Variants in RPTOR observed in about 807,000 individuals in gnomAD.
The protein encoded by RPTOR is regulatory-associated protein of mTOR.
Under a neutral mutation model 169.9 loss-of-function variants are expected in RPTOR, and 21 were observed. That is an observed-to-expected ratio of 0.12 (90% CI 0.09 to 0.18). The LOEUF (loss-of-function observed/expected upper bound fraction) is 0.18, where lower values mean the gene tolerates loss of function less well. Among genes scored for constraint, RPTOR ranks in the 10% least tolerant of loss-of-function variants. The pLI is 1.00. For synonymous variants in RPTOR, 732 were observed against 753.2 expected, an observed-to-expected ratio of 0.97 and a Z score of 0.46; for missense variants, 1,133 against 1,855.9, an observed-to-expected ratio of 0.61 and a Z score of 7.16.
intron 2 of RPTOR, among the ~76,000 whole-genome samples, chr17:80,634,874 TGTGTG>T (rs2065493447): frequency 1.3e-5 from 1 of 75,714 alleles, no homozygotes. Flanking sequence ...GTGTGCATAC[TGTGTG>T]CATACTTTGT....
chr17:80,855,968 C>A (rs2067847985), intron 12 of RPTOR, among the ~76,000 whole-genome samples: 2 of 152,200 alleles, frequency 1.3e-5, no homozygotes, highest in Admixed American at 1.3e-4. Context: ...ATGGCAGGCA[C>A]AATTCGGAAA....
intron 6 of RPTOR, among the ~76,000 whole-genome samples, chr17:80,790,929 C>T (rs538865980): frequency 1.3e-5 from 2 of 152,308 alleles, no homozygotes; most frequent in East Asian, 1.9e-4. Flanking sequence ...AAAGCCTGTC[C>T]GGCTCCACAC....
At chr17:80,731,107 G>A (rs1419006890) in intron 5 of RPTOR, among the ~76,000 whole-genome samples, 2 of 152,112 alleles carry the variant, frequency 1.3e-5, no homozygotes, top group African/African-American at 2.4e-5. Context: ...TCAAACTCCT[G>A]GGCTCAAGCA....
chr17:80,665,328 T>TTTCCCTTTCC (rs1437436251), intron 3 of RPTOR, among the ~76,000 whole-genome samples: 2 of 114,842 alleles, frequency 1.7e-5, no homozygotes, highest in African/African-American at 3.7e-5. Context: ...TTTCTTTTCT[T>TTTCCCTTTCC]TTCCCTTTCC....
intron 1 of RPTOR, among the ~76,000 whole-genome samples, chr17:80,618,070 T>G (rs914097837): frequency 1.5e-4 from 22 of 149,304 alleles, no homozygotes; most frequent in African/African-American, 5.0e-4. Flanking sequence ...AACCTCCGCC[T>G]CCCGGGTTCA....
chr17:80,792,132 CTGTT>C (rs1297642964), intron 7 of RPTOR, among the ~76,000 whole-genome samples: 1 of 152,116 alleles, frequency 6.6e-6, no homozygotes, highest in African/African-American at 2.4e-5. Flanking sequence ...CTGCCTTGTT[CTGTT>C]TGTTTGTGCA....
chr17:80,667,718 A>G (rs140185666), intron 3 of RPTOR, among the ~76,000 whole-genome samples: 4 of 152,278 alleles, frequency 2.6e-5, no homozygotes, highest in African/African-American at 7.2e-5. Flanking sequence ...CATGGGACAA[A>G]TATGGAGGCT....
intron 13 of RPTOR, among the ~76,000 whole-genome samples, chr17:80,874,477 C>G (rs930165598): frequency 7.0e-4 from 106 of 152,100 alleles, no homozygotes; most frequent in African/African-American, 2.4e-3. Flanking sequence ...TTAGAATTAA[C>G]CATTTACAGA....
In RPTOR at chr17:80,893,769, C is replaced by T; in HGVS notation, c.2305C>T (p.Leu769=). The T allele has an allele frequency of 6.2e-7, 1 of 1,601,814 alleles. No individual in the cohort carries two copies. Among genetic ancestry groups the T allele is most frequent in the African/African-American group, 1.4e-5 (1 of 74,000 alleles). ...LSTSSSASST[L]GSPENEEHIL... is the part of the protein sequence containing the mutation. ...CACCAGCAGCAGCGCCAGCAGCACC[C>T]TGGGCAGCCCCGAGAATGAGGAGCA... Residue 769 remains leucine, a synonymous_variant, in exon 20 of 34, where the codon CTG becomes TTG. Transcript: ENST00000306801.
intron 24 of RPTOR, among the ~76,000 whole-genome samples, chr17:80,926,873 G>A (rs1034374575): frequency 2.0e-5 from 3 of 152,212 alleles, no homozygotes; most frequent in African/African-American, 2.4e-5. Flanking sequence ...CACTAAGCAC[G>A]AAGCACCTTT....
chr17:80,678,996 C>T (rs1334498289), intron 3 of RPTOR, among the ~76,000 whole-genome samples: 2 of 152,240 alleles, frequency 1.3e-5, no homozygotes, highest in African/African-American at 2.4e-5. Context: ...GCATTTCTCT[C>T]GCTCTTCACA....
intron 28 of RPTOR, among the ~76,000 whole-genome samples, chr17:80,951,030 C>A (rs73357887): frequency 6.6e-6 from 1 of 152,132 alleles, no homozygotes; most frequent in East Asian, 1.9e-4. Flanking sequence ...AGGACACACC[C>A]GTGGCTAGCC....
chr17:80,697,785 G>A (rs1021501815), intron 3 of RPTOR, among the ~76,000 whole-genome samples: 10 of 152,216 alleles, frequency 6.6e-5, no homozygotes, highest in African/African-American at 1.9e-4. Context: ...CTCAGGGGCC[G>A]GTGGCCTGAC....
At chr17:80,839,817 T>C (rs2067607449) in intron 10 of RPTOR, among the ~76,000 whole-genome samples, 1 of 152,262 alleles carries the variant, frequency 6.6e-6, no homozygotes, top group South Asian at 2.1e-4. Flanking sequence ...AGTTTCTATT[T>C]GCATGTGTGC....
chr17:80,747,811 C>A (rs778103931), intron 5 of RPTOR, among the ~76,000 whole-genome samples: 9 of 152,348 alleles, frequency 5.9e-5, no homozygotes, highest in Non-Finnish European at 1.0e-4. Context: ...ACTCGCCCCA[C>A]CACCCCATGC....
At chr17:80,864,332 G>T (rs1490651233) in intron 13 of RPTOR, among the ~76,000 whole-genome samples, 5 of 148,862 alleles carry the variant, frequency 3.4e-5, no homozygotes, top group African/African-American at 1.3e-4. Flanking sequence ...GTGACGGCAG[G>T]TTTCTTCTTA....
intron 14 of RPTOR, among the ~76,000 whole-genome samples, chr17:80,882,771 A>C (rs2068199838): frequency 6.6e-6 from 1 of 152,220 alleles, no homozygotes; most frequent in Non-Finnish European, 1.5e-5. Context: ...ACTCATGGCG[A>C]ATTGGAGGGT....
Position 80,707,970 on chromosome 17 carries a change from G to A in RPTOR, c.478G>A (p.Val160Ile). ...YNGHGVPRPTVNGEVWVFNKN... is the reference protein window; with the variant it reads ...YNGHGVPRPTINGEVWVFNKN... ...TGGCCACGGGGTGCCCCGGCCCACA[G>A]TCAACGGGGAGGTCTGGGTCTTCAA... Residue 160 changes from valine to isoleucine, a missense_variant, in exon 4 of 34, where the codon GTC becomes ATC. By Grantham distance (29) the Val-to-Ile change is conservative. This residue lies in a region of RPTOR where 74 missense variants were observed against 168.3 expected (regional missense o/e 0.44). Coordinates refer to ENST00000306801, the MANE Select transcript of RPTOR (RefSeq NM_020761.3). This position sits in a 1 kb window ranked among gnomAD's most constrained non-coding sequence, Gnocchi z 5.0. 6.2e-7 allele frequency: 1 copy of A among 1,613,584 alleles called. No homozygotes were observed. Among genetic ancestry groups the A allele is most frequent in the African/African-American group, 1.3e-5 (1 of 75,032 alleles).
intron 20 of RPTOR, among the ~76,000 whole-genome samples, chr17:80,907,115 G>A (rs1438845629): frequency 3.3e-5 from 5 of 152,212 alleles, no homozygotes; most frequent in East Asian, 1.9e-4. Context: ...CCCACTCCAC[G>A]TGCGCAGCTG....
Sources: allele counts gnomAD v4.1 joint callset (sites outside exome capture counted in the v4.1 genomes callset), GRCh38; gene constraint gnomAD v4.1.1; regional missense constraint gnomAD v4.1.1; non-coding constraint Gnocchi (gnomAD v3.1); transcripts MANE v1.5; gene names NCBI Gene and HGNC (gene_info 2026-07-23, HGNC 2026-07-21).